PPP2R5B: variants seen among roughly 807,000 people sequenced by gnomAD.
The protein encoded by PPP2R5B is serine/threonine-protein phosphatase 2A 56 kDa regulatory subunit beta isoform.
Under a neutral mutation model 59.9 loss-of-function variants are expected in PPP2R5B, and 19 were observed. The ratio of observed to expected loss-of-function variants is 0.32; its 90% CI spans 0.22 to 0.47. The LOEUF (loss-of-function observed/expected upper bound fraction) is 0.47, where lower values mean the gene tolerates loss of function less well. PPP2R5B is among the 20% of genes least tolerant of loss of function. The probability of loss-of-function intolerance (pLI) is 1.00; values close to 1 mark genes in which losing one functional copy is unlikely to be tolerated. For synonymous variants in PPP2R5B, 286 were observed against 260.5 expected (o/e 1.10, Z -0.94); for missense variants, 441 against 640.2 (o/e 0.69, Z 3.36).
chr11:64,927,530 C>G (rs911683950), intron 3 of PPP2R5B, among the ~76,000 whole-genome samples: 4 of 152,128 alleles, frequency 2.6e-5, no homozygotes, highest in Non-Finnish European at 5.9e-5. Context: ...GACAGTGAGA[C>G]CGCATCACTA....
chr11:64,932,884 C>T lies in PPP2R5B; in HGVS notation c.1236C>T (p.His412=). 1 of 1,614,078 alleles carries T rather than the reference C, an allele frequency of 6.2e-7. No homozygotes were observed. The highest frequency in any genetic ancestry group is 8.5e-7 in the Non-Finnish European group (1 of 1,179,956). ...FGTLYQVSKE[H]WNQTIVSLIY... ...CCCTCTACCAAGTCTCCAAGGAGCA[C>T]TGGAACCAGTGAGTGCCAGGCCATG... The change falls in exon 12 of 14, where the codon CAC becomes CAT. Residue 412 remains histidine, a synonymous_variant. Coordinates refer to ENST00000164133, the MANE Select transcript of PPP2R5B (RefSeq NM_006244.4).
In PPP2R5B at chr11:64,925,683, G is replaced by T. The variant is rs909223776; in HGVS notation, c.-52G>T. On this transcript the variant is annotated 5_prime_UTR_variant, in exon 2 of 14. Coordinates refer to ENST00000164133, the MANE Select transcript of PPP2R5B (RefSeq NM_006244.4). The surrounding 1 kb of genome is among the most constrained non-coding windows in gnomAD (Gnocchi z 4.6). ...TCCAGTCTCACCCAGCACCTCCCAG[G>T]CCCAGAGAGAACCCCCGGGGCTCTG... The T allele has an allele frequency of 1.1e-5, 12 of 1,062,366 alleles. No homozygotes were observed. The highest frequency in any genetic ancestry group is 2.0e-5 in the Admixed American group (1 of 49,092). 65.8% of individuals were successfully genotyped at this position (1,062,366 alleles called of 1,614,324 possible).
At chr11:64,933,064 C>G in intron 12 of PPP2R5B, 81 bp from the exon 13 acceptor site, 1 of 1,492,436 alleles carries the variant, frequency 6.7e-7, no homozygotes, top group African/African-American at 1.4e-5. Flanking sequence ...AGGTGGAATG[C>G]TGTATGTGAA....
intron 13 of PPP2R5B, 44 bp from the exon 14 acceptor site, chr11:64,933,653 T>C: frequency 2.0e-6 from 3 of 1,532,272 alleles, no homozygotes; most frequent in Non-Finnish European, 2.6e-6. Flanking sequence ...GTCTGGACTG[T>C]GGGGGGCCCC....
In PPP2R5B at chr11:64,930,328, C is replaced by T; in HGVS notation, c.729C>T (p.Ile243=). Reference sequence around the variant, plus strand: ...CTGCGTTCTTCTCTTGCAGGTTCATCTATGAATTCGAGCACTTCAATGGTG... The same window carrying T: ...CTGCGTTCTTCTCTTGCAGGTTCATTTATGAATTCGAGCACTTCAATGGTG... ...KQCNHIFLRF[I]YEFEHFNGVA... The change falls in exon 7 of 14, where the codon ATC becomes ATT. Residue 243 remains isoleucine, a synonymous_variant. Transcript: ENST00000164133. The T allele has an allele frequency of 6.2e-7, 1 of 1,614,038 alleles. No individual in the cohort carries two copies. Among genetic ancestry groups the T allele is most frequent in the Non-Finnish European group, 8.5e-7 (1 of 1,179,952 alleles).
At position 64,927,821 on chromosome 11, in the gene PPP2R5B, G is replaced by A. The variant is rs1018676282; in HGVS notation, c.416G>A (p.Arg139Gln). ...IIRMISVNIF[R>Q]TLPPSENPEF... Reference sequence around the variant, plus strand: ...ACTCAGATCTCAGTGAATATCTTCCGGACTCTGCCGCCCAGTGAGAACCCT... The same window carrying A: ...ACTCAGATCTCAGTGAATATCTTCCAGACTCTGCCGCCCAGTGAGAACCCT... The change falls in exon 4 of 14, where the codon CGG becomes CAG. Residue 139 changes from arginine to glutamine, a missense_variant. Arg to Gln is a conservative substitution (Grantham distance 43). Around this residue, in one of 3 missense-constraint regions of PPP2R5B, gnomAD observed 268 missense variants for 488.1 expected, o/e 0.55. Transcript: ENST00000164133. The A allele has an allele frequency of 6.2e-6, 10 of 1,610,136 alleles. No individual in the cohort carries two copies. Among genetic ancestry groups the A allele is most frequent in the Non-Finnish European group, 3.4e-6 (4 of 1,176,602 alleles).
intron 4 of PPP2R5B, 26 bp from the exon 5 acceptor site, chr11:64,928,040 C>CCCA (rs780240927): frequency 6.2e-7 from 1 of 1,610,516 alleles, no homozygotes. Context: ...ACTGAACTCA[C>CCCA]CTTTTTGTCT....
chr11:64,929,970 T>G (rs1421531098), intron 6 of PPP2R5B, among the ~76,000 whole-genome samples: 1 of 152,234 alleles, frequency 6.6e-6, no homozygotes, highest in Admixed American at 6.5e-5. Flanking sequence ...AGTCTTGATT[T>G]CTTCATCCAT....
chr11:64,920,599 C>T (rs561917638), upstream of PPP2R5B, among the ~76,000 whole-genome samples: 22 of 150,734 alleles, frequency 1.5e-4, no homozygotes, highest in African/African-American at 4.1e-4. Context: ...CATTCTGCAA[C>T]GAAGTCCCAA....
At chr11:64,928,458 G>A (rs1807285485) in intron 6 of PPP2R5B, 33 bp downstream of exon 6, 2 of 1,613,510 alleles carry the variant, frequency 1.2e-6, no homozygotes, top group Non-Finnish European at 1.7e-6. Flanking sequence ...GCAGAGACCT[G>A]GGGAGGGTGA....
intron 2 of PPP2R5B, among the ~76,000 whole-genome samples, chr11:64,926,482 C>T (rs754008291): frequency 1.3e-5 from 2 of 152,266 alleles, no homozygotes; most frequent in Non-Finnish European, 2.9e-5. Flanking sequence ...AAACTCAGGC[C>T]ATCATACTCT....
At chr11:64,933,354 G>A in intron 13 of PPP2R5B, 108 bp downstream of exon 13, 1 of 943,252 alleles carries the variant, frequency 1.1e-6, no homozygotes, top group Non-Finnish European at 1.6e-6. Flanking sequence ...CTGATCAGAT[G>A]CTGCAAGACT....
chr11:64,922,103 G>T (rs573726198), upstream of PPP2R5B, among the ~76,000 whole-genome samples: 1 of 151,884 alleles, frequency 6.6e-6, no homozygotes, highest in Admixed American at 6.6e-5. Context: ...AGTTACTCGG[G>T]ACTGAGGCTG....
upstream of PPP2R5B, among the ~76,000 whole-genome samples, chr11:64,921,081 G>A (rs1039195891): frequency 2.0e-5 from 3 of 151,508 alleles, no homozygotes; most frequent in Admixed American, 1.3e-4. Flanking sequence ...CAGCCTCCCC[G>A]AGTAGCTGGG....
At chr11:64,928,449 C>T in intron 6 of PPP2R5B, 24 bp downstream of exon 6, 2 of 1,613,866 alleles carry the variant, frequency 1.2e-6, no homozygotes, top group Non-Finnish European at 1.7e-6. Flanking sequence ...GCCTGCCCAG[C>T]AGAGACCTGG....
rs1945168277 is a variant in PPP2R5B, at chr11:64,926,736, A to C, written c.224A>C (p.Glu75Ala). Reference sequence around the variant, plus strand: ...GATGTGCCGGCTTCCGAGCTGCACGAGCTGCTGAGCCGGAAGCTGGCCCAG... The same window carrying C: ...GATGTGCCGGCTTCCGAGCTGCACGCGCTGCTGAGCCGGAAGCTGGCCCAG... Reference protein sequence around the residue: ...LKDVPASELHELLSRKLAQCG... With the variant: ...LKDVPASELHALLSRKLAQCG... Residue 75 changes from glutamate to alanine, a missense_variant, in exon 3 of 14, where the codon GAG (glutamate) becomes GCG (alanine). By Grantham distance (107) the Glu-to-Ala change is moderately radical. Coordinates refer to ENST00000164133, the MANE Select transcript of PPP2R5B (RefSeq NM_006244.4). 6.2e-7 allele frequency: 1 copy of C among 1,613,980 alleles called. No homozygotes were observed. Among genetic ancestry groups the C allele is most frequent in the African/African-American group, 1.3e-5 (1 of 74,904 alleles).
At chr11:64,918,764 C>T (rs550221514) in intron 1 of PPP2R5B, among the ~76,000 whole-genome samples, 1 of 152,320 alleles carries the variant, frequency 6.6e-6, no homozygotes, top group Non-Finnish European at 1.5e-5. Context: ...GCTGGGATTA[C>T]AGGTGTGAGC....
intron 6 of PPP2R5B, among the ~76,000 whole-genome samples, chr11:64,928,949 C>CA (rs139500524): frequency 1.3e-5 from 2 of 150,236 alleles, no homozygotes; most frequent in African/African-American, 4.9e-5. Flanking sequence ...GCCTGGGCAA[C>CA]GGGGAGACTG....
intron 1 of PPP2R5B, chr11:64,918,246 T>C (rs1945062869): frequency 6.6e-6 from 1 of 152,210 alleles, no homozygotes. Context: ...GCCTAAAATA[T>C]TTATTTTCTG....
Sources: allele counts gnomAD v4.1 joint callset (sites outside exome capture counted in the v4.1 genomes callset), GRCh38; gene constraint gnomAD v4.1.1; regional missense constraint gnomAD v4.1.1; non-coding constraint Gnocchi (gnomAD v3.1); transcripts MANE v1.5; gene names NCBI Gene and HGNC (gene_info 2026-07-23, HGNC 2026-07-21).